The following ZFPM2 variants were observed in gnomAD, a reference collection of about 807,000 sequenced individuals.
The protein encoded by ZFPM2 is zinc finger protein ZFPM2.
Under a neutral mutation model 98.6 loss-of-function variants are expected in ZFPM2, and 20 were observed. That is an observed-to-expected ratio of 0.20 (90% CI 0.14 to 0.29). ZFPM2 has a LOEUF of 0.29. Ranked by LOEUF, ZFPM2 falls within the 10% of genes least tolerant of loss-of-function variation. The pLI, the probability that ZFPM2 is intolerant of heterozygous loss-of-function variation, is 1.00. For missense variants in ZFPM2, 1,310 were observed against 1,388.6 expected, an observed-to-expected ratio of 0.94 and a Z score of 0.90; for synonymous variants, 518 against 502.7, an observed-to-expected ratio of 1.03 and a Z score of -0.41.
chr8:105,525,965 A>G (rs1196817538), intron 3 of ZFPM2, among the ~76,000 whole-genome samples: 2 of 152,182 alleles, frequency 1.3e-5, no homozygotes, highest in Non-Finnish European at 2.9e-5. Context: ...AAGTGCTCAA[A>G]TAAGTGTTTG....
intron 3 of ZFPM2, among the ~76,000 whole-genome samples, chr8:105,554,700 T>C (rs1814945006): frequency 6.6e-6 from 1 of 152,182 alleles, no homozygotes; most frequent in African/African-American, 2.4e-5. Context: ...TGTCATCTCA[T>C]TTACTTGCAG....
intron 4 of ZFPM2, among the ~76,000 whole-genome samples, chr8:105,589,555 A>G (rs1815799092): frequency 6.6e-6 from 1 of 152,320 alleles, no homozygotes; most frequent in East Asian, 1.9e-4. Context: ...CGTTAACATA[A>G]AAGAGTACTT....
chr8:105,421,864 C>G (rs537119244), intron 2 of ZFPM2, among the ~76,000 whole-genome samples: 1 of 150,864 alleles, frequency 6.6e-6, no homozygotes, highest in Non-Finnish European at 1.5e-5. Context: ...CTGGCCAACA[C>G]GGCGAAACCC....
In ZFPM2 at chr8:105,803,495, A is replaced by G; in HGVS notation, c.3413A>G (p.Lys1138Arg). 1 of 1,612,602 alleles carries G rather than the reference A, an allele frequency of 6.2e-7. No homozygotes were observed. The highest frequency in any genetic ancestry group is 8.5e-7 in the Non-Finnish European group (1 of 1,179,238). ...FNNLSNFITHKKFYCSSHAAE... is the reference protein window; with the variant it reads ...FNNLSNFITHRKFYCSSHAAE... Reference sequence around the variant, plus strand: ...AACCTTTCAAACTTTATAACTCACAAGAAGTTTTATTGCTCATCACATGCA... The same window carrying G: ...AACCTTTCAAACTTTATAACTCACAGGAAGTTTTATTGCTCATCACATGCA... Residue 1138 changes from lysine to arginine, a missense_variant, in exon 8 of 8, where the codon AAG (lysine) becomes AGG (arginine). By Grantham distance (26) the Lys-to-Arg change is conservative. Coordinates refer to ENST00000407775, the MANE Select transcript of ZFPM2 (RefSeq NM_012082.4).
chr8:105,446,075 C>T lies in ZFPM2; in HGVS notation c.301+1694C>T, dbSNP rs1204987876. On this transcript the variant is annotated intron_variant, in intron 3 of 7. Transcript: ENST00000407775. ...AGCTGGGACTACAGGCATGTGCCACCGCGCCTGGCTAATTTTTTGTATTTT... is the reference window on the plus strand; with the variant it reads ...AGCTGGGACTACAGGCATGTGCCACTGCGCCTGGCTAATTTTTTGTATTTT... 4.6e-5 allele frequency among the ~76,000 whole-genome samples: 7 copies of T among 152,032 alleles called. No homozygotes were observed. In the South Asian group the frequency reaches 8.3e-4, roughly 18 times the overall value.
At chr8:105,349,371 A>T (rs1050987797) in intron 1 of ZFPM2, among the ~76,000 whole-genome samples, 2 of 152,180 alleles carry the variant, frequency 1.3e-5, no homozygotes, top group Non-Finnish European at 2.9e-5. Context: ...GTGGTCTGTA[A>T]TTGTATACAA....
chr8:105,591,674 T>A (rs1815847438), intron 4 of ZFPM2, among the ~76,000 whole-genome samples: 1 of 152,188 alleles, frequency 6.6e-6, no homozygotes, highest in East Asian at 1.9e-4. Context: ...ATATTCATAT[T>A]GCTGAGTAGA....
chr8:105,631,028 C>T (rs1414772537), intron 4 of ZFPM2, among the ~76,000 whole-genome samples: 1 of 152,128 alleles, frequency 6.6e-6, no homozygotes, highest in Admixed American at 6.6e-5. Flanking sequence ...ATTGGCTGTG[C>T]CCTCTGCCAC....
chr8:105,530,103 G>A (rs924476313), intron 3 of ZFPM2, among the ~76,000 whole-genome samples: 3 of 151,948 alleles, frequency 2.0e-5, no homozygotes, highest in Non-Finnish European at 2.9e-5. Context: ...ATTAAAAATC[G>A]GGCTGGCTTG....
intron 4 of ZFPM2, among the ~76,000 whole-genome samples, chr8:105,610,463 A>T (rs1455837261): frequency 6.6e-6 from 1 of 152,168 alleles, no homozygotes; most frequent in Non-Finnish European, 1.5e-5. Flanking sequence ...TTTAACTTTT[A>T]CTGAAAATGA....
intron 6 of ZFPM2, among the ~76,000 whole-genome samples, chr8:105,795,377 C>A (rs1813767586): frequency 6.7e-6 from 1 of 150,048 alleles, no homozygotes; most frequent in Non-Finnish European, 1.5e-5. Context: ...ACACACAAAG[C>A]TGATGTTCTA....
At chr8:105,697,576 AC>A (rs1811049576) in intron 5 of ZFPM2, among the ~76,000 whole-genome samples, 1 of 152,154 alleles carries the variant, frequency 6.6e-6, no homozygotes, top group Non-Finnish European at 1.5e-5. Context: ...TATCCTTTAA[AC>A]TTTTACTTCA....
intron 5 of ZFPM2, among the ~76,000 whole-genome samples, chr8:105,736,744 A>G (rs937503940): frequency 2.0e-5 from 3 of 152,072 alleles, no homozygotes; most frequent in Admixed American, 1.3e-4. Context: ...TTTGTAATTT[A>G]TTAGACAACT....
intron 1 of ZFPM2, among the ~76,000 whole-genome samples, chr8:105,339,601 T>G (rs1812389628): frequency 6.6e-6 from 1 of 151,914 alleles, no homozygotes; most frequent in Non-Finnish European, 1.5e-5. Context: ...ACCCGGATTG[T>G]GTGTCTGTTC....
chr8:105,746,478 C>T (rs1027384237), intron 5 of ZFPM2, among the ~76,000 whole-genome samples: 1 of 151,892 alleles, frequency 6.6e-6, no homozygotes. Context: ...ATAGCAAATG[C>T]TCATTTGAAA....
chr8:105,376,643 T>A (rs1487515950), intron 1 of ZFPM2, among the ~76,000 whole-genome samples: 2 of 152,266 alleles, frequency 1.3e-5, no homozygotes, highest in Non-Finnish European at 2.9e-5. Context: ...TTTGTCTAAG[T>A]AAAAAAGCTG....
intron 5 of ZFPM2, among the ~76,000 whole-genome samples, chr8:105,679,549 A>G (rs1810552454): frequency 6.6e-6 from 1 of 152,130 alleles, no homozygotes; most frequent in Non-Finnish European, 1.5e-5. Flanking sequence ...ACTGGGTGAG[A>G]GTGGTTTATT....
intron 3 of ZFPM2, among the ~76,000 whole-genome samples, chr8:105,527,449 CTG>C (rs1814198365): frequency 6.6e-6 from 1 of 152,150 alleles, no homozygotes; most frequent in South Asian, 2.1e-4. Flanking sequence ...AGAAACATGT[CTG>C]TATGGATATA....
rs73297246 is a variant in ZFPM2, at chr8:105,654,151, C to T, written c.532+19794C>T. On this transcript the variant is annotated intron_variant, in intron 5 of 7. Transcript: ENST00000407775. ...AGGGGAAACACAGGCCCCTTGACCC[C>T]TGGAACTCTCAGGAGGCTTGCCTCT... Among the ~76,000 whole-genome samples the T allele has an allele frequency of 4.7e-3, 718 of 151,790 alleles. 6 individuals carry two copies. Among genetic ancestry groups the T allele is most frequent in the African/African-American group, 0.017 (690 of 41,366 alleles).
Sources: allele counts gnomAD v4.1 joint callset (sites outside exome capture counted in the v4.1 genomes callset), GRCh38; gene constraint gnomAD v4.1.1; transcripts MANE v1.5; gene names NCBI Gene and HGNC (gene_info 2026-07-23, HGNC 2026-07-21).